MAF: variants seen among roughly 807,000 people sequenced by gnomAD.
MAF encodes transcription factor Maf.
A neutral mutation model predicts 22.0 loss-of-function variants in MAF; 10 were observed. The observed-to-expected ratio is 0.45, with a 90% CI of 0.28 to 0.77. The LOEUF is 0.77. MAF is among the 30% of genes least tolerant of loss of function. The pLI is 0.12. For missense variants in MAF, 544 were observed against 548.4 expected, an observed-to-expected ratio of 0.99 and a Z score of 0.08; for synonymous variants, 337 against 255.8, an observed-to-expected ratio of 1.32 and a Z score of -3.03.
the MAF span, among the ~76,000 whole-genome samples, chr16:79,271,854 A>C: frequency 6.6e-6 from 1 of 152,228 alleles, no homozygotes; most frequent in Non-Finnish European, 1.5e-5. Context: ...GTGATGAGGA[A>C]GAAGGTGCTG....
At chr16:79,539,262 G>C in the MAF span, among the ~76,000 whole-genome samples, 105 of 152,304 alleles carry the variant, frequency 6.9e-4, no homozygotes, top group African/African-American at 2.4e-3. Flanking sequence ...CCAGCACTTC[G>C]GGAGGCCGAG....
chr16:79,505,913 G>A, the MAF span, among the ~76,000 whole-genome samples: 133,447 of 151,830 alleles, frequency 0.88, 58,668 homozygotes, highest in East Asian at 0.92. Flanking sequence ...CACACCCAAC[G>A]CAAAGAACAA....
At chr16:79,500,497 C>A in the MAF span, among the ~76,000 whole-genome samples, 2 of 152,188 alleles carry the variant, frequency 1.3e-5, no homozygotes, top group African/African-American at 4.8e-5. Context: ...TGTCATGAAA[C>A]TTCCTCTGTC....
the MAF span, among the ~76,000 whole-genome samples, chr16:79,572,229 A>G: frequency 4.6e-5 from 7 of 152,310 alleles, no homozygotes; most frequent in Admixed American, 4.6e-4. Context: ...GGAGTCTGGT[A>G]GCAACACCAC....
At chr16:79,325,604 C>A in the MAF span, among the ~76,000 whole-genome samples, 17 of 115,652 alleles carry the variant, frequency 1.5e-4, no homozygotes, top group African/African-American at 5.9e-4. Context: ...CACAAACACA[C>A]ACACACACAC....
the MAF span, among the ~76,000 whole-genome samples, chr16:79,309,042 G>A: frequency 6.6e-6 from 1 of 152,328 alleles, no homozygotes; most frequent in South Asian, 2.1e-4. Flanking sequence ...ATATGAAGGA[G>A]TTGAGGCTCT....
the MAF span, among the ~76,000 whole-genome samples, chr16:79,471,633 T>C: frequency 6.6e-6 from 1 of 152,152 alleles, no homozygotes; most frequent in Non-Finnish European, 1.5e-5. Context: ...GCTGAGATCA[T>C]GCCATTGCAC....
chr16:79,569,746 G>C, the MAF span, among the ~76,000 whole-genome samples: 4 of 152,190 alleles, frequency 2.6e-5, no homozygotes, highest in African/African-American at 9.6e-5. Context: ...ATTGATCTGG[G>C]CTGGGGAATA....
the MAF span, among the ~76,000 whole-genome samples, chr16:79,223,264 T>G: frequency 3.9e-5 from 6 of 152,338 alleles, no homozygotes; most frequent in East Asian, 7.7e-4. Flanking sequence ...CCTGAATGAC[T>G]ACTGGGTAAG....
the MAF span, among the ~76,000 whole-genome samples, chr16:79,459,727 C>T: frequency 1.2e-4 from 19 of 152,020 alleles, no homozygotes; most frequent in Admixed American, 1.2e-3. Context: ...TGCGCACCAC[C>T]ATGCCTGGCT....
chr16:79,599,042 G>T lies in MAF; in HGVS notation c.861C>A (p.Ile287=). The change falls in exon 1 of 2, where the codon ATC becomes ATA. Residue 287 remains isoleucine (I), a synonymous_variant. Transcript: ENST00000326043. ...QLRGVSKEEV[I]RLKQKRRTLK... Reference sequence around the variant, plus strand: ...GGGTCCGCCTCTTCTGCTTCAGCCGGATCACCTCCTCCTTGCTGACCCCGC... The same window carrying T: ...GGGTCCGCCTCTTCTGCTTCAGCCGTATCACCTCCTCCTTGCTGACCCCGC... The T allele has an allele frequency of 7.4e-6, 12 of 1,612,974 alleles. No individual in the cohort carries two copies. Among genetic ancestry groups the T allele is most frequent in the Non-Finnish European group, 9.3e-6 (11 of 1,179,894 alleles).
the MAF span, among the ~76,000 whole-genome samples, chr16:79,351,517 G>A: frequency 6.6e-6 from 1 of 152,254 alleles, no homozygotes; most frequent in African/African-American, 2.4e-5. Flanking sequence ...GACTTTAAAT[G>A]CTGCATCTCT....
chr16:79,281,289 C>T, the MAF span, among the ~76,000 whole-genome samples: 10,442 of 149,976 alleles, frequency 0.07, 476 homozygotes, highest in East Asian at 0.2. Context: ...CCAGCTAATC[C>T]CAAAGTCTAG....
the MAF span, among the ~76,000 whole-genome samples, chr16:79,530,403 G>A: frequency 1.3e-5 from 2 of 152,148 alleles, no homozygotes; most frequent in South Asian, 4.1e-4. Context: ...TAGACTGAAG[G>A]AAAGAGATGT....
chr16:79,329,572 G>A, the MAF span, among the ~76,000 whole-genome samples: 4 of 151,854 alleles, frequency 2.6e-5, no homozygotes, highest in Non-Finnish European at 5.9e-5. Context: ...GCAACAAAGT[G>A]GAAAAAAGAC....
chr16:79,357,135 A>G, the MAF span, among the ~76,000 whole-genome samples: 6 of 152,288 alleles, frequency 3.9e-5, no homozygotes, highest in African/African-American at 9.6e-5. Context: ...ATGCGCCTAC[A>G]GTCCCAGCTA....
At chr16:79,569,640 T>C in the MAF span, among the ~76,000 whole-genome samples, 1 of 152,234 alleles carries the variant, frequency 6.6e-6, no homozygotes, top group Admixed American at 6.5e-5. Flanking sequence ...AACTCGTGCC[T>C]TAGAACAGTG....
chr16:79,319,373 G>A, the MAF span, among the ~76,000 whole-genome samples: 4 of 152,158 alleles, frequency 2.6e-5, no homozygotes, highest in Non-Finnish European at 4.4e-5. Flanking sequence ...GGATCAATGC[G>A]CTCAGACTAT....
the MAF span, among the ~76,000 whole-genome samples, chr16:79,563,207 G>A: frequency 1.3e-5 from 2 of 152,144 alleles, no homozygotes; most frequent in Non-Finnish European, 2.9e-5. Context: ...GTTTTCAACT[G>A]GATAACTCAA....
Sources: allele counts gnomAD v4.1 joint callset (sites outside exome capture counted in the v4.1 genomes callset), GRCh38; gene constraint gnomAD v4.1.1; transcripts MANE v1.5; gene names NCBI Gene and HGNC (gene_info 2026-07-23, HGNC 2026-07-21).